Variants in LRFN5 observed in about 807,000 individuals in gnomAD.
The protein encoded by LRFN5 is leucine rich repeat and fibronectin type III domain containing 5.
In LRFN5, 24 loss-of-function variants were observed where a neutral mutation model predicts 45.6. The ratio of observed to expected loss-of-function variants is 0.53; its 90% CI spans 0.38 to 0.74. LRFN5 has a LOEUF of 0.74. Ranked by LOEUF, LRFN5 falls within the 30% of genes least tolerant of loss-of-function variation. The pLI, the probability that LRFN5 is intolerant of heterozygous loss-of-function variation, is 0.00. For missense variants in LRFN5, 776 were observed against 861.5 expected (o/e 0.90, Z 1.24); for synonymous variants, 340 against 313.8 (o/e 1.08, Z -0.88).
At chr14:41,718,712 C>T (rs577505680) in intron 1 of LRFN5, among the ~76,000 whole-genome samples, 2 of 152,138 alleles carry the variant, frequency 1.3e-5, no homozygotes, top group African/African-American at 4.8e-5. Context: ...CTCCACATCT[C>T]AGCCCTGATT....
At chr14:41,745,928 C>A (rs1270248827) in intron 1 of LRFN5, among the ~76,000 whole-genome samples, 1 of 151,994 alleles carries the variant, frequency 6.6e-6, no homozygotes, top group Non-Finnish European at 1.5e-5. Context: ...CTAATGAATT[C>A]TACTAAACAT....
intron 2 of LRFN5, among the ~76,000 whole-genome samples, chr14:41,773,717 T>TA (rs976018368): frequency 1.3e-3 from 192 of 152,264 alleles, no homozygotes; most frequent in African/African-American, 3.9e-3. Context: ...CTACAAATAG[T>TA]CATGTGAGTT....
chr14:41,899,892 C>G (rs2053795984), intron 5 of LRFN5, among the ~76,000 whole-genome samples: 1 of 152,116 alleles, frequency 6.6e-6, no homozygotes, highest in Non-Finnish European at 1.5e-5. Flanking sequence ...ATTGGAAATA[C>G]TGAAACAATC....
At chr14:41,643,280 T>G (rs2138602455) in intron 1 of LRFN5, among the ~76,000 whole-genome samples, 1 of 152,298 alleles carries the variant, frequency 6.6e-6, no homozygotes, top group East Asian at 1.9e-4. Context: ...TGAATAAAGC[T>G]GACTAAATAA....
chr14:41,833,258 C>T (rs78972065), intron 2 of LRFN5, among the ~76,000 whole-genome samples: 1,773 of 152,142 alleles, frequency 0.012, 34 homozygotes, highest in African/African-American at 0.04. Flanking sequence ...ATTAGCGATC[C>T]GCAGGAAAAG....
chr14:41,622,213 C>G (rs1374441852), intron 1 of LRFN5, among the ~76,000 whole-genome samples: 5 of 151,398 alleles, frequency 3.3e-5, no homozygotes, highest in Non-Finnish European at 7.4e-5. Context: ...GCCAATATAC[C>G]TTTAGTGAAC....
intron 2 of LRFN5, among the ~76,000 whole-genome samples, chr14:41,863,314 T>A (rs531846980): frequency 1.3e-5 from 2 of 152,346 alleles, no homozygotes; most frequent in South Asian, 4.1e-4. Context: ...TTTACTTGCT[T>A]AGGATTAATT....
chr14:41,616,061 G>C (rs950647584), intron 1 of LRFN5, among the ~76,000 whole-genome samples: 2 of 152,108 alleles, frequency 1.3e-5, no homozygotes, highest in African/African-American at 4.8e-5. Flanking sequence ...TGAACATTCA[G>C]ATCATATGAT....
At chr14:41,890,383 G>A (rs1890734468) in intron 3 of LRFN5, among the ~76,000 whole-genome samples, 1 of 152,016 alleles carries the variant, frequency 6.6e-6, no homozygotes, top group Admixed American at 6.6e-5. Flanking sequence ...AGTGTTGACT[G>A]CATTAAAAAA....
rs1245491338 is a variant in LRFN5 at position 41,804,558 on chromosome 14, T to C, written c.-21+37529T>C. Among the ~76,000 whole-genome samples the C allele has an allele frequency of 3.3e-5, 5 of 152,302 alleles. No homozygotes were observed. In the East Asian group the frequency reaches 9.7e-4, roughly 29 times the overall value. On this transcript the variant is annotated intron_variant, in intron 2 of 5. Coordinates refer to ENST00000298119, the MANE Select transcript of LRFN5 (RefSeq NM_152447.5). ...GCCTCCTCTCATCCTCCTAACCTGG[T>C]GGTCTTTCATTAGTTTTACAAAGGT... is the stretch of plus-strand genomic sequence containing the variant.
chr14:41,870,442 C>G (rs1011366164), intron 2 of LRFN5, among the ~76,000 whole-genome samples: 12 of 152,202 alleles, frequency 7.9e-5, no homozygotes, highest in African/African-American at 2.9e-4. Context: ...CTAGGGAGGC[C>G]TCATAATCAC....
At chr14:41,789,635 C>CA (rs2138940455) in intron 2 of LRFN5, among the ~76,000 whole-genome samples, 1 of 152,036 alleles carries the variant, frequency 6.6e-6, no homozygotes, top group African/African-American at 2.4e-5. Flanking sequence ...AAGGGACTCT[C>CA]AAAAAGTACA....
chr14:41,665,789 G>A (rs966769302), intron 1 of LRFN5, among the ~76,000 whole-genome samples: 6 of 151,826 alleles, frequency 4.0e-5, no homozygotes, highest in Admixed American at 2.0e-4. Flanking sequence ...GTGTAGACCC[G>A]ATACATCTTA....
chr14:41,664,558 A>G (rs1880808715), intron 1 of LRFN5, among the ~76,000 whole-genome samples: 1 of 152,004 alleles, frequency 6.6e-6, no homozygotes, highest in Non-Finnish European at 1.5e-5. Context: ...GTGCTTTGCA[A>G]TGCTGAGATG....
intron 1 of LRFN5, among the ~76,000 whole-genome samples, chr14:41,704,444 C>CTGTGTGTGTGTGTGTGTG (rs1406046125): frequency 2.7e-4 from 34 of 127,938 alleles, no homozygotes; most frequent in African/African-American, 1.1e-3. Context: ...CTCTCTCTCT[C>CTGTGTGTGTGTGTGTGTG]TCTCTGTGTG....
At chr14:41,687,771 A>G (rs1396396691) in intron 1 of LRFN5, among the ~76,000 whole-genome samples, 2 of 152,126 alleles carry the variant, frequency 1.3e-5, no homozygotes, top group Non-Finnish European at 2.9e-5. Context: ...CTCACTCATA[A>G]CACATGGACA....
At chr14:41,696,160 G>A (rs559652339) in intron 1 of LRFN5, among the ~76,000 whole-genome samples, 31 of 151,992 alleles carry the variant, frequency 2.0e-4, no homozygotes, top group Non-Finnish European at 4.4e-4. Flanking sequence ...AAATAGAAGT[G>A]GAGCCTGAAG....
chr14:41,715,560 T>C (rs1259744651), intron 1 of LRFN5, among the ~76,000 whole-genome samples: 5 of 152,208 alleles, frequency 3.3e-5, no homozygotes, highest in African/African-American at 1.2e-4. Flanking sequence ...GTGCCTTTGT[T>C]CCTTTTCTGC....
intron 1 of LRFN5, among the ~76,000 whole-genome samples, chr14:41,752,834 C>G (rs978812612): frequency 1.2e-4 from 18 of 152,136 alleles, no homozygotes; most frequent in Non-Finnish European, 2.9e-5. Context: ...ACATGAAGTC[C>G]TTGCCCATGC....
Sources: gnomAD v4.1 joint callset for allele counts (sites outside exome capture counted in the v4.1 genomes callset) on GRCh38, gnomAD v4.1.1 for gene constraint, MANE v1.5 for transcripts, NCBI Gene and HGNC (gene_info 2026-07-23, HGNC 2026-07-21) for gene names.